SAMD12: variants seen among roughly 807,000 people sequenced by gnomAD.
The protein encoded by SAMD12 is sterile alpha motif domain-containing protein 12.
SAMD12 carries 9 observed loss-of-function variants against 15.0 expected under a neutral mutation model. The observed-to-expected ratio is 0.60, with a 90% CI of 0.36 to 1.05. SAMD12 has a LOEUF of 1.05. SAMD12 is among the 50% of genes least tolerant of loss of function. The pLI is 0.01. For synonymous variants in SAMD12, 86 were observed against 90.1 expected (o/e 0.96, Z 0.25); for missense variants, 230 against 234.2 (o/e 0.98, Z 0.12).
downstream of SAMD12, among the ~76,000 whole-genome samples, chr8:118,185,196 T>C (rs975230586): frequency 2.0e-5 from 3 of 152,132 alleles, no homozygotes; most frequent in African/African-American, 4.8e-5. Flanking sequence ...ATTAGAAGCT[T>C]CTAGATTTTC....
intron 1 of SAMD12, among the ~76,000 whole-genome samples, chr8:118,592,074 C>T (rs900877595): frequency 6.6e-6 from 1 of 152,162 alleles, no homozygotes; most frequent in Non-Finnish European, 1.5e-5. Context: ...ATAATCACAG[C>T]ACTTTGGGAG....
intron 2 of SAMD12, among the ~76,000 whole-genome samples, chr8:118,540,071 T>A (rs1825947661): frequency 6.6e-6 from 1 of 152,228 alleles, no homozygotes; most frequent in Non-Finnish European, 1.5e-5. Flanking sequence ...CTGCTTCTTA[T>A]AACAAGAGAC....
chr8:118,402,025 A>G (rs1316992382), intron 3 of SAMD12, among the ~76,000 whole-genome samples: 3 of 152,202 alleles, frequency 2.0e-5, no homozygotes, highest in Non-Finnish European at 2.9e-5. Flanking sequence ...TACAGAGCTC[A>G]GTTTCCTTGT....
chr8:118,318,994 G>A (rs1426832090), intron 4 of SAMD12, among the ~76,000 whole-genome samples: 1 of 152,080 alleles, frequency 6.6e-6, no homozygotes, highest in African/African-American at 2.4e-5. Flanking sequence ...GGTAAGAGCT[G>A]GACCACCTTG....
intron 2 of SAMD12, among the ~76,000 whole-genome samples, chr8:118,568,510 G>A (rs1249751578): frequency 6.6e-6 from 1 of 152,160 alleles, no homozygotes; most frequent in East Asian, 1.9e-4. Context: ...GATCATTCTG[G>A]TTGCTGAATT....
intron 4 of SAMD12, among the ~76,000 whole-genome samples, chr8:118,272,802 TCATTGTC>T (rs1262405175): frequency 6.6e-6 from 1 of 152,178 alleles, no homozygotes; most frequent in African/African-American, 2.4e-5. Flanking sequence ...AGCCTGGAAT[TCATTGTC>T]CATATCACTA....
chr8:118,602,148 A>G (rs945607374), intron 1 of SAMD12, among the ~76,000 whole-genome samples: 1 of 152,172 alleles, frequency 6.6e-6, no homozygotes, highest in African/African-American at 2.4e-5. Flanking sequence ...AAAAAAAAAT[A>G]TGCTTGCCCC....
chr8:118,530,453 A>G (rs540379379), intron 2 of SAMD12, among the ~76,000 whole-genome samples: 13 of 152,262 alleles, frequency 8.5e-5, no homozygotes, highest in African/African-American at 3.1e-4. Flanking sequence ...TCCCACTGAT[A>G]AGTGAGAACC....
chr8:118,425,313 T>G (rs1441721716), intron 3 of SAMD12, among the ~76,000 whole-genome samples: 1 of 152,108 alleles, frequency 6.6e-6, no homozygotes, highest in African/African-American at 2.4e-5. Context: ...GCAATCTGAC[T>G]CCAGTGCTTT....
At chr8:118,269,296 C>T (rs935078466) in intron 4 of SAMD12, among the ~76,000 whole-genome samples, 1 of 149,558 alleles carries the variant, frequency 6.7e-6, no homozygotes, top group East Asian at 2.0e-4. Flanking sequence ...TGCATTCGAC[C>T]TGCTTTCGCT....
intron 4 of SAMD12, among the ~76,000 whole-genome samples, chr8:118,267,885 G>A (rs1418464261): frequency 6.6e-6 from 1 of 152,168 alleles, no homozygotes; most frequent in Non-Finnish European, 1.5e-5. Context: ...GAGGTCAGGA[G>A]TTTGAGACCA....
chr8:118,154,121 T>C, the SAMD12 span, among the ~76,000 whole-genome samples: 1 of 144,892 alleles, frequency 6.9e-6, no homozygotes, highest in Non-Finnish European at 1.5e-5. Flanking sequence ...TAAGCAAAAG[T>C]CAAAGAATAC....
At chr8:118,578,754 G>A (rs527641687) in intron 2 of SAMD12, among the ~76,000 whole-genome samples, 44 of 152,168 alleles carry the variant, frequency 2.9e-4, no homozygotes, top group Non-Finnish European at 4.7e-4. Flanking sequence ...TTGTTTCCTC[G>A]TCCTCCATTT....
rs548857169 is a variant in SAMD12, at chr8:118,462,006, C to T, written c.193-22045G>A. ...TTCAAAAAGGAAAACTTGGAAACAT[C>T]CTAAATGTCCATAAGGACTTACTAA... On this transcript the variant is annotated intron_variant, in intron 2 of 3. Transcript: ENST00000314727. 5.3e-5 allele frequency among the ~76,000 whole-genome samples: 8 copies of T among 152,298 alleles called. No homozygotes were observed. In the East Asian group the frequency reaches 1.5e-3, roughly 29 times the overall value.
intron 2 of SAMD12, among the ~76,000 whole-genome samples, chr8:118,571,354 C>T (rs780994506): frequency 2.0e-4 from 31 of 152,200 alleles, no homozygotes; most frequent in Non-Finnish European, 3.4e-4. Flanking sequence ...AAAAAATTTG[C>T]AGCTTGACAA....
chr8:118,177,975 G>A, the SAMD12 span, among the ~76,000 whole-genome samples: 2 of 152,154 alleles, frequency 1.3e-5, no homozygotes, highest in African/African-American at 4.8e-5. Context: ...CGCAACCACT[G>A]TTCCTATGCT....
intron 4 of SAMD12, among the ~76,000 whole-genome samples, chr8:118,233,198 C>T (rs1812353741): frequency 1.3e-5 from 2 of 152,104 alleles, no homozygotes; most frequent in Non-Finnish European, 2.9e-5. Flanking sequence ...TTTTGGCACC[C>T]ACAGTTAAGG....
rs78372021 is a variant in SAMD12 at position 118,415,632 on chromosome 8, G to A, written c.322+24200C>T. The stretch of plus-strand genomic sequence containing the variant: ...GGAGATTCTACTGTTTATTCAAGAT[G>A]AGCATACCATGCAGCTGACTCTTAC... On this transcript the variant is annotated intron_variant, in intron 3 of 3. Coordinates refer to ENST00000314727, the MANE Select transcript of SAMD12 (RefSeq NM_207506.3). 4.2e-3 allele frequency among the ~76,000 whole-genome samples: 643 copies of A among 152,246 alleles called. 3 individuals carry two copies. Among genetic ancestry groups the A allele is most frequent in the African/African-American group, 0.015 (621 of 41,550 alleles).
At chr8:118,497,582 A>T (rs1201433879) in intron 2 of SAMD12, among the ~76,000 whole-genome samples, 3 of 151,962 alleles carry the variant, frequency 2.0e-5, no homozygotes, top group African/African-American at 7.3e-5. Flanking sequence ...GGAGTGTGGG[A>T]GGAGGGGGAG....
Sources: allele counts gnomAD v4.1 joint callset (sites outside exome capture counted in the v4.1 genomes callset), GRCh38; gene constraint gnomAD v4.1.1; transcripts MANE v1.5; gene names NCBI Gene and HGNC (gene_info 2026-07-23, HGNC 2026-07-21).